The following CIB2 variants were observed in gnomAD, a reference collection of about 807,000 sequenced individuals.
CIB2 encodes the protein calcium and integrin-binding family member 2.
In CIB2, 19 loss-of-function variants were observed where a neutral mutation model predicts 23.1. The ratio of observed to expected loss-of-function variants is 0.82; its 90% CI spans 0.57 to 1.21. CIB2 has a LOEUF of 1.21. CIB2 is among the 50% of genes most tolerant of loss of function. The pLI is 0.00. For synonymous variants in CIB2, 94 were observed against 91.7 expected, an observed-to-expected ratio of 1.03 and a Z score of -0.14; for missense variants, 220 against 241.5, an observed-to-expected ratio of 0.91 and a Z score of 0.59.
At position 78,104,967 on chromosome 15, in the gene CIB2, CAGA is replaced by C; in HGVS notation, c.*341_*343del. 1 of 340,860 alleles carries C rather than the reference CAGA, an allele frequency of 2.9e-6. No individual in the cohort carries two copies. Among genetic ancestry groups the C allele is most frequent in the South Asian group, 3.6e-5 (1 of 27,496 alleles). The allele number at this position is 340,860 out of a possible 1,614,324, so 21.1% of individuals were successfully genotyped here. On this transcript the variant is annotated 3_prime_UTR_variant, in exon 6 of 6. Coordinates refer to ENST00000258930, the MANE Select transcript of CIB2 (RefSeq NM_006383.4). This position sits in a 1 kb window ranked among gnomAD's most constrained non-coding sequence, Gnocchi z 4.4. ...GGTGTCTGCCAGCACTTGGACACGT[CAGA>C]CCCCACCACCTCCTGTTGGGTTATC...
At position 78,105,345 on chromosome 15, in the gene CIB2, A is replaced by G; in HGVS notation, c.543-13T>C. ...GATGTGGAAAGTGCTAGAAAGAGAG[A>G]AAGGGCAAGAGAGGGTGAGAGGCCC... On this transcript the variant is annotated splice_polypyrimidine_tract_variant and intron_variant, in intron 5 of 5. Transcript: ENST00000258930. The G allele has an allele frequency of 6.2e-7, 1 of 1,613,784 alleles. No individual in the cohort carries two copies.
intron 2 of CIB2, among the ~76,000 whole-genome samples, chr15:78,119,776 T>C (rs1182439334): frequency 6.6e-6 from 1 of 152,044 alleles, no homozygotes; most frequent in East Asian, 1.9e-4. Flanking sequence ...TTTCACCATG[T>C]TGGCCAGGCT....
In CIB2 at chr15:78,131,080, C is replaced by A; in HGVS notation, c.51+85G>T. 1 of 1,178,738 alleles carries A rather than the reference C, an allele frequency of 8.5e-7. No individual in the cohort carries two copies. Among genetic ancestry groups the A allele is most frequent in the Non-Finnish European group, 1.2e-6 (1 of 865,188 alleles). The allele number at this position is 1,178,738 out of a possible 1,614,324, so 73.0% of individuals were successfully genotyped here. On this transcript the variant is annotated intron_variant, in intron 1 of 5. Coordinates refer to ENST00000258930, the MANE Select transcript of CIB2 (RefSeq NM_006383.4). This position sits in a 1 kb window ranked among gnomAD's most constrained non-coding sequence, Gnocchi z 5.8. ...GTTTGAACCTGGGAGAGCTGGCTCT[C>A]GGGAGGCCTCGGCCAGCGACCGAGA...
chr15:78,112,661 G>T (rs948068247), intron 2 of CIB2, among the ~76,000 whole-genome samples: 2 of 152,206 alleles, frequency 1.3e-5, no homozygotes, highest in African/African-American at 4.8e-5. Flanking sequence ...TGCCTAAAGT[G>T]ATGTCCTAGG....
chr15:78,127,458 G>A (rs1397183218), intron 1 of CIB2, among the ~76,000 whole-genome samples: 1 of 152,192 alleles, frequency 6.6e-6, no homozygotes, highest in Admixed American at 6.5e-5. Context: ...AACATTGGCA[G>A]CAGAAAACAG....
chr15:78,120,452 G>T, intron 2 of CIB2: 1 of 640,872 alleles, frequency 1.6e-6, no homozygotes, highest in Non-Finnish European at 1.9e-6. Context: ...CAAATACCTT[G>T]GAGTGCTGGC....
rs796995871 is a variant in CIB2, at chr15:78,104,907, C to CT, written c.*403dup. On this transcript the variant is annotated 3_prime_UTR_variant, in exon 6 of 6. Coordinates refer to ENST00000258930, the MANE Select transcript of CIB2 (RefSeq NM_006383.4). The surrounding 1 kb of genome is among the most constrained non-coding windows in gnomAD (Gnocchi z 4.4). ...GCATAGCTCGTTAAAACCCTGACCT[C>CT]TTTTTTTTTTTTCCGCTCTGTCCTG... is the stretch of plus-strand genomic sequence containing the variant. 9.9e-3 allele frequency: 1,653 copies of CT among 167,098 alleles called. 1 individual carries two copies. Among genetic ancestry groups the CT allele is most frequent in the East Asian group, 0.023 (150 of 6,472 alleles). 10.4% of individuals were successfully genotyped at this position (167,098 alleles called of 1,614,324 possible).
intron 2 of CIB2, 58 bp from the exon 3 acceptor site, chr15:78,111,334 C>T: frequency 7.0e-7 from 1 of 1,424,244 alleles, no homozygotes; most frequent in Non-Finnish European, 9.8e-7. Context: ...GCCCCAGCAG[C>T]CCGGTGCTGT....
chr15:78,109,807 C>CAAAAAAA, intron 3 of CIB2, among the ~76,000 whole-genome samples: 1 of 87,212 alleles, frequency 1.1e-5, no homozygotes, highest in Non-Finnish European at 2.2e-5. Context: ...ACCATGTCTC[C>CAAAAAAA]AAAAAAAAAA....
intron 2 of CIB2, chr15:78,120,571 T>C (rs2074303694): frequency 2.0e-6 from 2 of 983,790 alleles, no homozygotes; most frequent in Non-Finnish European, 2.4e-6. Context: ...CTCTTACCTA[T>C]AAAAAGCAAG....
At chr15:78,105,451 C>G in intron 5 of CIB2, 119 bp from the exon 6 acceptor site, 5 of 1,562,656 alleles carry the variant, frequency 3.2e-6, no homozygotes, top group Admixed American at 1.9e-5. Context: ...ATTAGGGAAC[C>G]CTGCATAGTG....
At chr15:78,107,073 A>C (rs1340931647) in intron 4 of CIB2, among the ~76,000 whole-genome samples, 1 of 144,434 alleles carries the variant, frequency 6.9e-6, no homozygotes, top group African/African-American at 2.5e-5. Flanking sequence ...CTAAAAATAC[A>C]AAAAAAAAAA....
At chr15:78,117,283 T>TAAAAAAAAAA (rs1265422874) in intron 2 of CIB2, among the ~76,000 whole-genome samples, 14 of 133,504 alleles carry the variant, frequency 1.0e-4, no homozygotes, top group East Asian at 4.4e-4. Flanking sequence ...AAAGTTTGTT[T>TAAAAAAAAAA]AAAAGAATAA....
intron 2 of CIB2, among the ~76,000 whole-genome samples, chr15:78,123,389 G>A (rs964675956): frequency 6.6e-6 from 1 of 152,152 alleles, no homozygotes; most frequent in East Asian, 1.9e-4. Flanking sequence ...AGCTCCATCT[G>A]TCAAATGGGG....
Position 78,131,128 on chromosome 15 carries a change from C to T in CIB2, c.51+37G>A, listed in dbSNP as rs773945311. ...AGAAAAGGGAGGGGCGGCGGGGCGGCGGGGCCTGTGTTGGGGGCCGGGCGC... is the reference window on the plus strand; with the variant it reads ...AGAAAAGGGAGGGGCGGCGGGGCGGTGGGGCCTGTGTTGGGGGCCGGGCGC... On this transcript the variant is annotated intron_variant, in intron 1 of 5. Coordinates refer to ENST00000258930, the MANE Select transcript of CIB2 (RefSeq NM_006383.4). The surrounding 1 kb of genome is among the most constrained non-coding windows in gnomAD (Gnocchi z 5.8). 1.1e-5 allele frequency: 16 copies of T among 1,453,682 alleles called. No individual in the cohort carries two copies. The highest frequency in any genetic ancestry group is 1.4e-5 in the Non-Finnish European group (15 of 1,087,974). The allele number at this position is 1,453,682 out of a possible 1,614,324, so 90.0% of individuals were successfully genotyped here.
At chr15:78,109,656 G>A in intron 3 of CIB2, 1 of 493,524 alleles carries the variant, frequency 2.0e-6, no homozygotes, top group Non-Finnish European at 3.7e-6. Context: ...CATTAAGATG[G>A]GCACAGCCAG....
chr15:78,112,554 G>A (rs996769846), intron 2 of CIB2, among the ~76,000 whole-genome samples: 4 of 152,230 alleles, frequency 2.6e-5, no homozygotes, highest in African/African-American at 9.7e-5. Flanking sequence ...GCAACAGAGC[G>A]AGACCCTGCC....
intron 1 of CIB2, among the ~76,000 whole-genome samples, chr15:78,128,341 A>G (rs1300882068): frequency 6.6e-6 from 1 of 152,194 alleles, no homozygotes; most frequent in Non-Finnish European, 1.5e-5. Flanking sequence ...GAAGCCCTTC[A>G]GTGTGCCTAA....
At chr15:78,105,515 T>A in intron 5 of CIB2, 183 bp from the exon 6 acceptor site, 1 of 1,487,872 alleles carries the variant, frequency 6.7e-7, no homozygotes, top group South Asian at 1.3e-5. Flanking sequence ...GCCCAGGGAG[T>A]TCTGCCCCCA....
Sources: gnomAD v4.1 joint callset for allele counts (sites outside exome capture counted in the v4.1 genomes callset) on GRCh38, gnomAD v4.1.1 for gene constraint, Gnocchi (gnomAD v3.1) non-coding constraint, MANE v1.5 for transcripts, NCBI Gene and HGNC (gene_info 2026-07-23, HGNC 2026-07-21) for gene names.